RFX4: variants seen among roughly 807,000 people sequenced by gnomAD.
RFX4 encodes transcription factor RFX4.
A neutral mutation model predicts 95.0 loss-of-function variants in RFX4; 10 were observed. That is an observed-to-expected ratio of 0.11 (90% CI 0.06 to 0.18). The LOEUF is 0.18. RFX4 is among the 10% of genes least tolerant of loss of function. The pLI is 1.00. For missense variants in RFX4, 640 were observed against 922.0 expected, an observed-to-expected ratio of 0.69 and a Z score of 3.96; for synonymous variants, 321 against 340.7, an observed-to-expected ratio of 0.94 and a Z score of 0.64.
intron 4 of RFX4, among the ~76,000 whole-genome samples, chr12:106,679,299 A>C (rs972932302): frequency 1.3e-5 from 2 of 152,132 alleles, no homozygotes; most frequent in Admixed American, 1.3e-4. Flanking sequence ...CTCTACTAAA[A>C]ATACAATTAG....
intron 13 of RFX4, among the ~76,000 whole-genome samples, chr12:106,724,801 C>G (rs2042460473): frequency 6.6e-6 from 1 of 152,112 alleles, no homozygotes; most frequent in South Asian, 2.1e-4. Flanking sequence ...TCCCTGAGGT[C>G]AGGAGTTTGA....
intron 6 of RFX4, among the ~76,000 whole-genome samples, chr12:106,687,502 T>C (rs573093528): frequency 2.7e-4 from 40 of 149,966 alleles, no homozygotes; most frequent in African/African-American, 7.4e-4. Context: ...TGAGCCAAGA[T>C]TGCACCATTG....
chr12:106,749,348 G>T (rs10778505), intron 16 of RFX4, among the ~76,000 whole-genome samples: 1 of 151,708 alleles, frequency 6.6e-6, no homozygotes, highest in Non-Finnish European at 1.5e-5. Context: ...CAGTTGTGGG[G>T]GACATGGGAG....
intron 8 of RFX4, among the ~76,000 whole-genome samples, chr12:106,697,635 T>C (rs773109078): frequency 2.0e-5 from 3 of 152,084 alleles, no homozygotes; most frequent in Non-Finnish European, 4.4e-5. Context: ...GTATGTGCCA[T>C]GCCTGTCTTC....
chr12:106,648,780 T>G (rs541756858), intron 3 of RFX4, among the ~76,000 whole-genome samples: 1 of 152,054 alleles, frequency 6.6e-6, no homozygotes, highest in East Asian at 1.9e-4. Context: ...AAACATCTAA[T>G]CAGTTTAAAA....
chr12:106,682,022 C>CA lies in RFX4; in HGVS notation c.346dup (p.Thr116AsnfsTer27). The CA allele has an allele frequency of 6.2e-7, 1 of 1,614,142 alleles. No individual in the cohort carries two copies. The highest frequency in any genetic ancestry group is 8.5e-7 in the Non-Finnish European group (1 of 1,180,022). ...TAAGGCAGCAGTTTCCTCAGTTAAC[C>CA]ACCAGAAGACTCGGGACCCGAGGAC... On this transcript the variant is annotated frameshift_variant, in exon 5 of 18. Transcript: ENST00000392842. LOFTEE classifies it high-confidence loss of function.
At chr12:106,705,468 G>A (rs1386590719) in intron 8 of RFX4, among the ~76,000 whole-genome samples, 1 of 152,164 alleles carries the variant, frequency 6.6e-6, no homozygotes, top group African/African-American at 2.4e-5. Flanking sequence ...GAAGGAGGTC[G>A]AGCTGCAGGT....
chr12:106,724,082 G>A (rs969991448), intron 13 of RFX4, among the ~76,000 whole-genome samples: 3 of 152,182 alleles, frequency 2.0e-5, no homozygotes, highest in Non-Finnish European at 2.9e-5. Flanking sequence ...ACAACCCCGT[G>A]AGGTCTGAAT....
At chr12:106,701,059 C>T (rs1446678770) in intron 8 of RFX4, among the ~76,000 whole-genome samples, 1 of 152,148 alleles carries the variant, frequency 6.6e-6, no homozygotes, top group Non-Finnish European at 1.5e-5. Flanking sequence ...TAATGTTTCT[C>T]ATATTGCAGG....
chr12:106,627,503 C>T (rs913541306), intron 2 of RFX4, among the ~76,000 whole-genome samples: 2 of 152,132 alleles, frequency 1.3e-5, no homozygotes, highest in African/African-American at 4.8e-5. Flanking sequence ...CGCCATTGCA[C>T]TCCAGTCTAG....
At chr12:106,641,668 T>C (rs1340792265) in intron 3 of RFX4, among the ~76,000 whole-genome samples, 1 of 152,204 alleles carries the variant, frequency 6.6e-6, no homozygotes, top group Non-Finnish European at 1.5e-5. Flanking sequence ...GATAAGTCTA[T>C]TTTCAAAGCC....
At chr12:106,638,095 C>T (rs976526858) in intron 2 of RFX4, among the ~76,000 whole-genome samples, 7 of 151,856 alleles carry the variant, frequency 4.6e-5, no homozygotes, top group African/African-American at 7.3e-5. Flanking sequence ...GCAACCTCCA[C>T]CTCCCAGGTT....
intron 3 of RFX4, among the ~76,000 whole-genome samples, chr12:106,651,340 T>C (rs572645841): frequency 6.6e-6 from 1 of 152,272 alleles, no homozygotes; most frequent in Admixed American, 6.5e-5. Context: ...CAGATTCCTA[T>C]CCTGAAACAT....
chr12:106,739,671 T>C (rs998223213), intron 15 of RFX4, among the ~76,000 whole-genome samples: 6 of 152,190 alleles, frequency 3.9e-5, no homozygotes, highest in African/African-American at 1.4e-4. Context: ...AAATTAAACC[T>C]GATATATGGC....
chr12:106,709,296 T>G (rs760779189), intron 8 of RFX4, 34 bp from the exon 9 acceptor site: 1 of 1,558,866 alleles, frequency 6.4e-7, no homozygotes, highest in African/African-American at 1.4e-5. Context: ...AAGCAACATG[T>G]GCAGCACTTA....
At chr12:106,597,413 A>G (rs1201777446) in intron 1 of RFX4, among the ~76,000 whole-genome samples, 1 of 152,186 alleles carries the variant, frequency 6.6e-6, no homozygotes, top group African/African-American at 2.4e-5. Context: ...ATCAAACAGG[A>G]AAGGTGATTT....
intron 1 of RFX4, among the ~76,000 whole-genome samples, chr12:106,589,563 C>T (rs2039509390): frequency 6.6e-6 from 1 of 152,182 alleles, no homozygotes; most frequent in East Asian, 1.9e-4. Context: ...GGTCTGGAAC[C>T]TGCCTGAGGT....
intron 17 of RFX4, among the ~76,000 whole-genome samples, chr12:106,760,031 C>G (rs1045048187): frequency 2.6e-5 from 4 of 152,174 alleles, no homozygotes; most frequent in African/African-American, 9.7e-5. Context: ...ACCCCTTCTC[C>G]CTGCTGTCTA....
At chr12:106,758,905 A>G (rs1189086615) in intron 17 of RFX4, among the ~76,000 whole-genome samples, 1 of 152,182 alleles carries the variant, frequency 6.6e-6, no homozygotes, top group Non-Finnish European at 1.5e-5. Context: ...TCTGTACAAC[A>G]TGGGGTTGGA....
Sources: gnomAD v4.1 joint callset for allele counts (sites outside exome capture counted in the v4.1 genomes callset) on GRCh38, gnomAD v4.1.1 for gene constraint, MANE v1.5 for transcripts, NCBI Gene and HGNC (gene_info 2026-07-23, HGNC 2026-07-21) for gene names.